TM9SF1: variants seen among roughly 807,000 people sequenced by gnomAD.
TM9SF1 encodes transmembrane 9 superfamily member 1, also known as MP70 protein family member.
In TM9SF1, 25 loss-of-function variants were observed where a neutral mutation model predicts 52.4. That is an observed-to-expected ratio of 0.48 (90% CI 0.35 to 0.67). TM9SF1 has a LOEUF of 0.67. TM9SF1 is among the 30% of genes least tolerant of loss of function. TM9SF1 has a pLI of 0.01. For missense variants in TM9SF1, 604 were observed against 780.3 expected (o/e 0.77, Z 2.69); for synonymous variants, 284 against 299.8 (o/e 0.95, Z 0.55).
In TM9SF1 at chr14:24,192,494, C is replaced by A; in HGVS notation, c.968-138G>T. The A allele has an allele frequency of 1.4e-6, 2 of 1,385,526 alleles. No individual in the cohort carries two copies. The highest frequency in any genetic ancestry group is 2.0e-6 in the Non-Finnish European group (2 of 1,018,840). 85.8% of individuals were successfully genotyped at this position (1,385,526 alleles called of 1,614,324 possible). Reference sequence around the variant, plus strand: ...CCCCCAGTTTTGCTATCCAGAAAATCTACAATAGAATACGTGCATTCTTGC... The same window carrying A: ...CCCCCAGTTTTGCTATCCAGAAAATATACAATAGAATACGTGCATTCTTGC... On this transcript the variant is annotated intron_variant, in intron 3 of 5. Coordinates refer to ENST00000261789, the MANE Select transcript of TM9SF1 (RefSeq NM_006405.7). This position sits in a 1 kb window ranked among gnomAD's most constrained non-coding sequence, Gnocchi z 4.0.
At position 24,193,264 on chromosome 14, in the gene TM9SF1, C is replaced by A; in HGVS notation, c.351G>T (p.Glu117Asp). The A allele has an allele frequency of 6.3e-7, 1 of 1,595,892 alleles. No homozygotes were observed. The highest frequency in any genetic ancestry group is 8.6e-7 in the Non-Finnish European group (1 of 1,169,546). Residue 117 changes from glutamate to aspartate, a missense_variant, in exon 3 of 6, where the codon GAG becomes GAT. Coordinates refer to ENST00000261789, the MANE Select transcript of TM9SF1 (RefSeq NM_006405.7). ...GTTCTTCAATGGCCTGGCGCAGCTG[C>A]TCCACCTATAAAGAGCAAGTCAGGA... The part of the protein sequence containing the change: ...CHMQLSSAQV[E>D]QLRQAIEELY...
rs1446110629 is a variant in TM9SF1, at chr14:24,195,056, G to A, written c.-17-20C>T. 9 of 1,576,044 alleles carry A rather than the reference G, an allele frequency of 5.7e-6. No individual in the cohort carries two copies. Among genetic ancestry groups the A allele is most frequent in the South Asian group, 3.4e-5 (3 of 89,036 alleles). ...TGGAACCTGTTTGGGGGAATCCTGA[G>A]GTTATAGAAACCAGGGAGGTTACAG... On this transcript the variant is annotated intron_variant, in intron 1 of 5. Coordinates refer to ENST00000261789, the MANE Select transcript of TM9SF1 (RefSeq NM_006405.7).
At position 24,190,393 on chromosome 14, in the gene TM9SF1, AG is replaced by A; in HGVS notation, c.1413del (p.Phe472SerfsTer38). The A allele has an allele frequency of 6.3e-7, 1 of 1,580,820 alleles. No homozygotes were observed. The highest frequency in any genetic ancestry group is 8.6e-7 in the Non-Finnish European group (1 of 1,161,234). On this transcript the variant is annotated frameshift_variant, in exon 5 of 6. Transcript: ENST00000261789. LOFTEE classifies it high-confidence loss of function. ...KSTVIHMTVG[G>X]FLPFSAISVE... ...AAGGGAGGATACCTGAAAGGCAGGA[AG>A]CCTCCAACAGTCATGTGGATGACAG...
chr14:24,190,805 C>G (rs2039310122), intron 4 of TM9SF1, 152 bp from the exon 5 acceptor site: 2 of 550,062 alleles, frequency 3.6e-6, no homozygotes, highest in African/African-American at 1.9e-5. Flanking sequence ...GCAGAGTCGA[C>G]TGCCTTCACC....
At position 24,189,525 on chromosome 14, in the gene TM9SF1, C is replaced by T. The variant is rs984531640; in HGVS notation, c.1711G>A (p.Gly571Ser). Reference protein sequence around the residue: ...SGAVQTVEFFGYSLLTGYVFF... With the variant: ...SGAVQTVEFFSYSLLTGYVFF... ...ACATAACCAGTGAGTAAGGAGTAGC[C>T]GAAGAACTCTACTGTCTGTACTGCC... Residue 571 changes from glycine (G) to serine (S), a missense_variant, in exon 6 of 6, where the codon GGC becomes AGC. By Grantham distance (56) the Gly-to-Ser change is moderately conservative. Coordinates refer to ENST00000261789, the MANE Select transcript of TM9SF1 (RefSeq NM_006405.7). The T allele has an allele frequency of 3.7e-6, 6 of 1,614,066 alleles. No individual in the cohort carries two copies. Among genetic ancestry groups the T allele is most frequent in the Non-Finnish European group, 5.1e-6 (6 of 1,180,010 alleles).
rs1018169562 is a variant in TM9SF1, at chr14:24,192,445, C to T, written c.968-89G>A. On this transcript the variant is annotated intron_variant, in intron 3 of 5. Coordinates refer to ENST00000261789, the MANE Select transcript of TM9SF1 (RefSeq NM_006405.7). The surrounding 1 kb of genome is among the most constrained non-coding windows in gnomAD (Gnocchi z 4.0). ...GGAATCAGCCCCCCTTCTCCCAGACCCAGGGCCTCCAGCAAAACAATCTCC... is the reference window on the plus strand; with the variant it reads ...GGAATCAGCCCCCCTTCTCCCAGACTCAGGGCCTCCAGCAAAACAATCTCC... The T allele has an allele frequency of 3.4e-6, 5 of 1,457,266 alleles. No individual in the cohort carries two copies. In the African/African-American group the frequency reaches 7.1e-5, roughly 21 times the overall value. The allele number at this position is 1,457,266 out of a possible 1,614,324, so 90.3% of individuals were successfully genotyped here.
At chr14:24,191,444 A>G (rs973044639) in intron 4 of TM9SF1, among the ~76,000 whole-genome samples, 5 of 152,228 alleles carry the variant, frequency 3.3e-5, no homozygotes, top group African/African-American at 1.2e-4. Context: ...TGAAAGGGCA[A>G]TCTGGTTTGA....
chr14:24,189,882 GC>G, intron 5 of TM9SF1, 74 bp from the exon 6 acceptor site: 1 of 1,500,494 alleles, frequency 6.7e-7, no homozygotes, highest in Non-Finnish European at 8.9e-7. Flanking sequence ...CTGAAATCCA[GC>G]CCCCACCCTC....
chr14:24,190,721 A>G, intron 4 of TM9SF1, 68 bp from the exon 5 acceptor site: 1 of 1,428,056 alleles, frequency 7.0e-7, no homozygotes, highest in Non-Finnish European at 9.4e-7. Context: ...ACCCACTTAC[A>G]TCCAGGACCA....
At chr14:24,195,317 C>T in intron 1 of TM9SF1, 29 bp downstream of exon 1, 1 of 370,572 alleles carries the variant, frequency 2.7e-6, no homozygotes, top group South Asian at 4.0e-5. Context: ...ACCTCGGGTC[C>T]CTTCCCGCCA....
chr14:24,193,461 G>A (rs2039353801), intron 2 of TM9SF1, among the ~76,000 whole-genome samples, 192 bp from the exon 3 acceptor site: 1 of 151,854 alleles, frequency 6.6e-6, no homozygotes, highest in South Asian at 2.1e-4. Context: ...CTGCCTCCTG[G>A]GTTCAAGCAA....
chr14:24,192,883 C>T lies in TM9SF1; in HGVS notation c.732G>A (p.Val244=). 6.2e-7 allele frequency: 1 copy of T among 1,614,132 alleles called. No individual in the cohort carries two copies. The highest frequency in any genetic ancestry group is 8.5e-7 in the Non-Finnish European group (1 of 1,179,984). Residue 244 remains valine, a synonymous_variant, in exon 3 of 6, where the codon GTG becomes GTA. Coordinates refer to ENST00000261789, the MANE Select transcript of TM9SF1 (RefSeq NM_006405.7). The surrounding 1 kb of genome is among the most constrained non-coding windows in gnomAD (Gnocchi z 4.0). ...CAAAACCCACCAGTAAAAACACAAG[C>T]ACCATGGAGTTGATGATGGACAACC... ...IHWLSIINSM[V]LVFLLVGFVA...
Position 24,193,281 on chromosome 14 carries a change from A to C in TM9SF1, c.346-12T>G, listed in dbSNP as rs765987077. 6.3e-7 allele frequency: 1 copy of C among 1,577,534 alleles called. No individual in the cohort carries two copies. Among genetic ancestry groups the C allele is most frequent in the Non-Finnish European group, 8.6e-7 (1 of 1,160,222 alleles). On this transcript the variant is annotated splice_polypyrimidine_tract_variant and intron_variant, in intron 2 of 5. Transcript: ENST00000261789. The stretch of plus-strand genomic sequence containing the variant: ...CGCAGCTGCTCCACCTATAAAGAGC[A>C]AGTCAGGAGTTGGTCACACAAGATC...
At position 24,191,405 on chromosome 14, in the gene TM9SF1, G is replaced by A. The variant is rs561104329; in HGVS notation, c.1154-752C>T. Among the ~76,000 whole-genome samples the A allele has an allele frequency of 3.9e-5, 6 of 152,334 alleles. No homozygotes were observed. In the South Asian group the frequency reaches 6.2e-4, roughly 16 times the overall value. On this transcript the variant is annotated intron_variant, in intron 4 of 5. Transcript: ENST00000261789. ...AGACACACAGAATTGGGAACAAGAA[G>A]GGTTCAGAACAGAGACTACTACTGC...
chr14:24,193,193 A>G lies in TM9SF1; in HGVS notation c.422T>C (p.Phe141Ser). ...ACCACTCTCCTCCATGTAGCCCACA[A>G]AGCCCCGGATTGGCAAGTCATCTAC... ...FVVDDLPIRG[F>S]VGYMEESGFL... The change falls in exon 3 of 6, where the codon TTT becomes TCT. Residue 141 changes from phenylalanine to serine, a missense_variant. Around this residue, in one of 3 missense-constraint regions of TM9SF1, gnomAD observed 450 missense variants for 560.1 expected, o/e 0.80. Coordinates refer to ENST00000261789, the MANE Select transcript of TM9SF1 (RefSeq NM_006405.7). 6.2e-7 allele frequency: 1 copy of G among 1,614,140 alleles called. No homozygotes were observed. The highest frequency in any genetic ancestry group is 8.5e-7 in the Non-Finnish European group (1 of 1,180,022).
At chr14:24,191,458 C>T (rs933952004) in intron 4 of TM9SF1, among the ~76,000 whole-genome samples, 2 of 152,200 alleles carry the variant, frequency 1.3e-5, no homozygotes, top group Non-Finnish European at 2.9e-5. Flanking sequence ...GGTTTGAAAG[C>T]CTAGAGTGGG....
Position 24,195,356 on chromosome 14 carries a change from G to C in TM9SF1, c.-28C>G. 3.8e-6 allele frequency: 1 copy of C among 261,492 alleles called. No individual in the cohort carries two copies. 16.2% of individuals were successfully genotyped at this position (261,492 alleles called of 1,614,324 possible). A position where few individuals can be genotyped will look rare whatever the true frequency, so the allele number is the denominator to read the frequency against. ...CCCCGGGGTCCTCACCGCGCGGGAA[G>C]GGCTGGCCGAGGCGGCGCCAGCGGC... On this transcript the variant is annotated 5_prime_UTR_variant, in exon 1 of 6. Coordinates refer to ENST00000261789, the MANE Select transcript of TM9SF1 (RefSeq NM_006405.7).
chr14:24,195,144 TC>T lies in TM9SF1; in HGVS notation c.-17-109del, dbSNP rs973351570. 3 of 699,368 alleles carry T rather than the reference TC, an allele frequency of 4.3e-6. No homozygotes were observed. The Admixed American group carries it at 8.3e-5, about 19-fold the overall frequency. The allele number at this position is 699,368 out of a possible 1,614,324, so 43.3% of individuals were successfully genotyped here. Reference sequence around the variant, plus strand: ...GCTCCACTTGCTCCCATTGGCCCCCTCCCCGCCTCACCCTACCCCACGTCTC... The same window carrying T: ...GCTCCACTTGCTCCCATTGGCCCCCTCCCGCCTCACCCTACCCCACGTCTC... On this transcript the variant is annotated intron_variant, in intron 1 of 5. Transcript: ENST00000261789.
chr14:24,190,333 G>T (rs745450170), intron 5 of TM9SF1, 47 bp downstream of exon 5: 7 of 1,531,150 alleles, frequency 4.6e-6, no homozygotes, highest in Non-Finnish European at 5.3e-6. Context: ...AGGAAAAATT[G>T]AGGTCAGGAA....
Sources: gnomAD v4.1 joint callset for allele counts (sites outside exome capture counted in the v4.1 genomes callset) on GRCh38, gnomAD v4.1.1 for gene constraint, gnomAD v4.1.1 regional missense constraint, Gnocchi (gnomAD v3.1) non-coding constraint, MANE v1.5 for transcripts, NCBI Gene and HGNC (gene_info 2026-07-23, HGNC 2026-07-21) for gene names.